The following CACNA2D1 variants were observed in gnomAD, a reference collection of about 807,000 sequenced individuals.
CACNA2D1 encodes voltage-dependent calcium channel subunit alpha-2/delta-1.
CACNA2D1 carries 53 observed loss-of-function variants against 171.5 expected under a neutral mutation model. The ratio of observed to expected loss-of-function variants is 0.31; its 90% CI spans 0.25 to 0.39. The LOEUF is 0.39. CACNA2D1 is among the 10% of genes least tolerant of loss of function. CACNA2D1 has a pLI of 1.00. For missense variants in CACNA2D1, 903 were observed against 1,299.8 expected (o/e 0.69, Z 4.69); for synonymous variants, 442 against 443.1 (o/e 1.00, Z 0.03).
chr7:82,317,641 G>T (rs1004131270), intron 3 of CACNA2D1, among the ~76,000 whole-genome samples: 1 of 151,962 alleles, frequency 6.6e-6, no homozygotes, highest in African/African-American at 2.4e-5. Flanking sequence ...CAGGGCAATT[G>T]GTGTGAAATG....
intron 3 of CACNA2D1, among the ~76,000 whole-genome samples, chr7:82,222,452 G>T (rs1435454613): frequency 6.6e-6 from 1 of 152,178 alleles, no homozygotes; most frequent in Admixed American, 6.5e-5. Flanking sequence ...AAACTAGCTT[G>T]TCCTGTTTCT....
chr7:82,270,255 A>G (rs1385247495), intron 3 of CACNA2D1, among the ~76,000 whole-genome samples: 1 of 152,116 alleles, frequency 6.6e-6, no homozygotes, highest in African/African-American at 2.4e-5. Context: ...CCCAAACCCA[A>G]AAGGTAGCTA....
At chr7:82,001,768 G>A (rs1204556756) in intron 18 of CACNA2D1, 5 of 656,622 alleles carry the variant, frequency 7.6e-6, no homozygotes, top group Non-Finnish European at 1.2e-5. Context: ...ACATAGGTAC[G>A]GGTTCTATCC....
At chr7:82,226,565 T>C (rs1802387243) in intron 3 of CACNA2D1, among the ~76,000 whole-genome samples, 1 of 152,110 alleles carries the variant, frequency 6.6e-6, no homozygotes, top group African/African-American at 2.4e-5. Flanking sequence ...AAAAAGCAAT[T>C]GAGCCACAGA....
chr7:82,397,237 T>A (rs575177945), intron 1 of CACNA2D1, among the ~76,000 whole-genome samples: 106 of 152,268 alleles, frequency 7.0e-4, no homozygotes, highest in Non-Finnish European at 1.0e-3. Context: ...CTCACATGTA[T>A]AACCTGTATC....
chr7:82,252,505 T>C (rs1805766934), intron 3 of CACNA2D1, among the ~76,000 whole-genome samples: 1 of 152,164 alleles, frequency 6.6e-6, no homozygotes, highest in Non-Finnish European at 1.5e-5. Flanking sequence ...AGACTTAGAG[T>C]TCCTGACCTC....
chr7:82,030,075 T>C (rs947093193), intron 12 of CACNA2D1: 1 of 151,880 alleles, frequency 6.6e-6, no homozygotes, highest in Non-Finnish European at 1.5e-5. Flanking sequence ...TATGAATCTT[T>C]TTATCATGTG....
At chr7:81,973,200 T>A (rs1011733984) in intron 25 of CACNA2D1, among the ~76,000 whole-genome samples, 1 of 152,062 alleles carries the variant, frequency 6.6e-6, no homozygotes, top group Non-Finnish European at 1.5e-5. Flanking sequence ...AACAATCTTA[T>A]TACAGTTCTC....
In CACNA2D1 at chr7:82,014,456, A is replaced by C. The variant is rs1800180596; in HGVS notation, c.1167T>G (p.Val389=). ...DKKVRVFTFS[V]GQHNYDRGPI... is the part of the protein sequence containing the mutation. ...GTCCTCTGTCATAATTGTGTTGACCAACTGAAAACGTGAATACACGTACCT... is the reference window on the plus strand; with the variant it reads ...GTCCTCTGTCATAATTGTGTTGACCCACTGAAAACGTGAATACACGTACCT... The change falls in exon 13 of 39, where the codon GTT becomes GTG. Residue 389 remains valine (V), a synonymous_variant. Coordinates refer to ENST00000356860, the MANE Select transcript of CACNA2D1 (RefSeq NM_000722.4). 1 of 1,594,990 alleles carries C rather than the reference A, an allele frequency of 6.3e-7. No homozygotes were observed. Among genetic ancestry groups the C allele is most frequent in the African/African-American group, 1.3e-5 (1 of 74,570 alleles).
intron 3 of CACNA2D1, among the ~76,000 whole-genome samples, chr7:82,180,481 G>A (rs775309032): frequency 1.3e-5 from 2 of 152,064 alleles, no homozygotes; most frequent in Non-Finnish European, 1.5e-5. Flanking sequence ...AATTGTGGTC[G>A]GCTAGCTTAT....
chr7:82,014,612 T>G (rs1268259389), intron 12 of CACNA2D1, 133 bp from the exon 13 acceptor site: 3 of 663,502 alleles, frequency 4.5e-6, no homozygotes, highest in Non-Finnish European at 8.1e-6. Context: ...CTGAGGCCAG[T>G]AAAGCCTTCA....
intron 5 of CACNA2D1, among the ~76,000 whole-genome samples, chr7:82,123,039 C>T (rs1343631480): frequency 6.6e-6 from 1 of 152,126 alleles, no homozygotes; most frequent in East Asian, 1.9e-4. Flanking sequence ...ACCATAAATG[C>T]CACTAATCCA....
intron 7 of CACNA2D1, among the ~76,000 whole-genome samples, chr7:82,082,228 T>A (rs540355828): frequency 6.6e-6 from 1 of 152,214 alleles, no homozygotes; most frequent in African/African-American, 2.4e-5. Context: ...AGGACCATAG[T>A]GTTACAACTT....
In CACNA2D1 at chr7:82,000,771, C is replaced by CTTTTTTTTTTTTT. The variant is rs774565705; in HGVS notation, c.1591-3534_1591-3522dup. ...TACCATGCCTAACTAATTTTTCTTT[C>CTTTTTTTTTTTTT]TTTTTTTTTTTTTTTTTTTTTTTTT... On this transcript the variant is annotated intron_variant, in intron 18 of 38. Transcript: ENST00000356860. Among the ~76,000 whole-genome samples the CTTTTTTTTTTTTT allele has an allele frequency of 1.0e-3, 54 of 51,958 alleles. 14 individuals are homozygous for CTTTTTTTTTTTTT. The highest frequency in any genetic ancestry group is 1.7e-3 in the Non-Finnish European group (48 of 27,694). The allele number at this position is 51,958 out of a possible 152,430, so 34.1% of individuals were successfully genotyped here. A position where few individuals can be genotyped will look rare whatever the true frequency, so the allele number is the denominator to read the frequency against.
chr7:82,351,755 T>C (rs186010676), intron 1 of CACNA2D1, among the ~76,000 whole-genome samples: 2 of 152,120 alleles, frequency 1.3e-5, no homozygotes, highest in African/African-American at 4.8e-5. Context: ...CATTTTTATA[T>C]TAAATACAAA....
intron 1 of CACNA2D1, among the ~76,000 whole-genome samples, chr7:82,433,438 T>C (rs1262961396): frequency 9.2e-5 from 14 of 152,214 alleles, no homozygotes; most frequent in Admixed American, 7.2e-4. Context: ...TCATTCCTTC[T>C]TGAGAATGGA....
chr7:82,090,131 G>T (rs1461636050), intron 6 of CACNA2D1, among the ~76,000 whole-genome samples: 1 of 151,982 alleles, frequency 6.6e-6, no homozygotes, highest in Non-Finnish European at 1.5e-5. Context: ...GTGGAAGTTG[G>T]GGGAATTAAT....
chr7:82,045,775 T>C (rs1297065549), intron 10 of CACNA2D1, among the ~76,000 whole-genome samples: 2 of 152,176 alleles, frequency 1.3e-5, no homozygotes, highest in African/African-American at 2.4e-5. Context: ...ATTAAGTTGT[T>C]TAACTTTCAA....
intron 3 of CACNA2D1, among the ~76,000 whole-genome samples, chr7:82,288,058 A>T (rs10266840): frequency 0.078 from 11,489 of 147,714 alleles, 1,516 homozygotes; most frequent in African/African-American, 0.27. Flanking sequence ...GCCGGGATGG[A>T]CTCGATCTCC....
Sources: allele counts gnomAD v4.1 joint callset (sites outside exome capture counted in the v4.1 genomes callset), GRCh38; gene constraint gnomAD v4.1.1; transcripts MANE v1.5; gene names NCBI Gene and HGNC (gene_info 2026-07-23, HGNC 2026-07-21).